MYH9: variants seen among roughly 807,000 people sequenced by gnomAD.
MYH9 encodes the protein myosin-9.
Under a neutral mutation model 241.9 loss-of-function variants are expected in MYH9, and 29 were observed. The ratio of observed to expected loss-of-function variants is 0.12; its 90% confidence interval spans 0.09 to 0.16. The LOEUF is 0.16. Ranked by LOEUF, MYH9 falls within the 10% of genes least tolerant of loss-of-function variation. MYH9 has a pLI of 1.00. For synonymous variants in MYH9, 1,047 were observed against 1,062.6 expected (o/e 0.99, Z 0.29); for missense variants, 1,803 against 2,595.5 (o/e 0.69, Z 6.63).
intron 9 of MYH9, chr22:36,319,846 GC>G: frequency 1.5e-6 from 1 of 653,790 alleles, no homozygotes; most frequent in South Asian, 1.7e-5. Context: ...GGCCGACATG[GC>G]CTGTCCGCAC....
intron 2 of MYH9, among the ~76,000 whole-genome samples, chr22:36,342,408 A>C (rs1371201881): frequency 2.0e-5 from 3 of 152,194 alleles, no homozygotes; most frequent in Admixed American, 2.0e-4. Flanking sequence ...AGCACATAGC[A>C]CAGCACGCAG....
chr22:36,282,404 G>A lies in MYH9; in HGVS notation c.*264C>T. On this transcript the variant is annotated 3_prime_UTR_variant, in exon 41 of 41. Coordinates refer to ENST00000216181, the MANE Select transcript of MYH9 (RefSeq NM_002473.6). ...GCAAGAGAGGGCTGAGGAGCCTGCT[G>A]GTCGCTCTCTGCCTGGGCCCGGGCC... 1 of 597,840 alleles carries A rather than the reference G, an allele frequency of 1.7e-6. No individual in the cohort carries two copies. Among genetic ancestry groups the A allele is most frequent in the South Asian group, 1.9e-5 (1 of 52,060 alleles). The allele number at this position is 597,840 out of a possible 1,614,324, so 37.0% of individuals were successfully genotyped here.
In MYH9 at chr22:36,288,380, T is replaced by C; in HGVS notation, c.4804A>G (p.Arg1602Gly). ...GCCACTGCCATCGAGCGCTGCTTCC[T>C]CTCGTCCTCCAGCTCTGCCTCCATC... is the stretch of plus-strand genomic sequence containing the variant. ...REMEAELEDE[R>G]KQRSMAVAAR... The change falls in exon 34 of 41, where the codon AGG becomes GGG. Residue 1602 changes from arginine to glycine, a missense_variant. Transcript: ENST00000216181. This position sits in a 1 kb window ranked among gnomAD's most constrained non-coding sequence, Gnocchi z 4.8. 6.2e-7 allele frequency: 1 copy of C among 1,613,104 alleles called. No homozygotes were observed. The highest frequency in any genetic ancestry group is 8.5e-7 in the Non-Finnish European group (1 of 1,180,026).
intron 1 of MYH9, among the ~76,000 whole-genome samples, chr22:36,378,972 GA>G (rs937550784): frequency 1.8e-4 from 26 of 143,970 alleles, no homozygotes; most frequent in South Asian, 2.2e-4. Flanking sequence ...CTCTAATTAG[GA>G]AAAAAAAAAA....
At chr22:36,333,369 C>T (rs1367831232) in intron 3 of MYH9, among the ~76,000 whole-genome samples, 3 of 152,232 alleles carry the variant, frequency 2.0e-5, no homozygotes, top group African/African-American at 7.2e-5. Context: ...ACGGCTCACG[C>T]TTCCTCTCCT....
rs996064041 is a variant in MYH9, at chr22:36,367,328, C to G, written c.-19-18073G>C. Reference sequence around the variant, plus strand: ...TCTGGGGTGCCCTGGACTCCAGGAACAAGAAGCCCAAAACTGAAGGGTGAA... The same window carrying G: ...TCTGGGGTGCCCTGGACTCCAGGAAGAAGAAGCCCAAAACTGAAGGGTGAA... On this transcript the variant is annotated intron_variant, in intron 1 of 40. Coordinates refer to ENST00000216181, the MANE Select transcript of MYH9 (RefSeq NM_002473.6). Among the ~76,000 whole-genome samples the G allele has an allele frequency of 1.6e-4, 24 of 152,136 alleles. 1 individual carries two copies. The highest frequency in any genetic ancestry group is 4.1e-4 in the African/African-American group (17 of 41,428).
intron 1 of MYH9, among the ~76,000 whole-genome samples, chr22:36,360,365 T>A (rs2017919294): frequency 6.6e-6 from 1 of 152,046 alleles, no homozygotes; most frequent in South Asian, 2.1e-4. Flanking sequence ...CCTATGGCCC[T>A]CTTGCAATCA....
At chr22:36,322,926 C>T (rs2017278705) in intron 5 of MYH9, among the ~76,000 whole-genome samples, 1 of 152,356 alleles carries the variant, frequency 6.6e-6, no homozygotes, top group East Asian at 1.9e-4. Context: ...CTAATCCTCA[C>T]ATTTTTATTC....
At chr22:36,377,537 C>A (rs2018187958) in intron 1 of MYH9, among the ~76,000 whole-genome samples, 1 of 152,206 alleles carries the variant, frequency 6.6e-6, no homozygotes, top group Non-Finnish European at 1.5e-5. Context: ...GGGGCGAGTT[C>A]CAGCAGGTTC....
At chr22:36,304,613 C>A (rs56364667) in intron 18 of MYH9, among the ~76,000 whole-genome samples, 11 of 152,350 alleles carry the variant, frequency 7.2e-5, no homozygotes, top group Admixed American at 1.3e-4. Context: ...CCGTCCAGCA[C>A]TGCGCTAGGG....
rs1488378744 is a variant in MYH9 at position 36,365,789 on chromosome 22, T to C, written c.-19-16534A>G. Among the ~76,000 whole-genome samples the C allele has an allele frequency of 2.0e-5, 3 of 152,204 alleles. No individual in the cohort carries two copies. In the East Asian group the frequency reaches 5.8e-4, roughly 29 times the overall value. The stretch of plus-strand genomic sequence containing the variant: ...TTTTAAATTTTAATTTAAAAACTTT[T>C]TGTCATAAATACAAACATGTCTAAC... On this transcript the variant is annotated intron_variant, in intron 1 of 40. Transcript: ENST00000216181.
chr22:36,300,293 C>T lies in MYH9; in HGVS notation c.2839-29G>A, dbSNP rs765014636. The T allele has an allele frequency of 3.7e-6, 6 of 1,610,560 alleles. No homozygotes were observed. In the South Asian group the frequency reaches 4.4e-5, roughly 12 times the overall value. On this transcript the variant is annotated intron_variant, in intron 22 of 40. Coordinates refer to ENST00000216181, the MANE Select transcript of MYH9 (RefSeq NM_002473.6). This position sits in a 1 kb window ranked among gnomAD's most constrained non-coding sequence, Gnocchi z 5.0. ...CCGGGGGCCAGAGACACGGTAAGGA[C>T]AGCAGGCCCAGAGGCATGGCCAAGG... is the stretch of plus-strand genomic sequence containing the variant.
At position 36,281,991 on chromosome 22, in the gene MYH9, T is replaced by C. The variant is rs1423744582; in HGVS notation, c.*677A>G. 2 of 232,960 alleles carry C rather than the reference T, an allele frequency of 8.6e-6. No homozygotes were observed. The highest frequency in any genetic ancestry group is 1.7e-5 in the Non-Finnish European group (2 of 117,696). The allele number at this position is 232,960 out of a possible 1,614,324, so 14.4% of individuals were successfully genotyped here. On this transcript the variant is annotated 3_prime_UTR_variant, in exon 41 of 41. Coordinates refer to ENST00000216181, the MANE Select transcript of MYH9 (RefSeq NM_002473.6). ...CCTCGGTAAAGGAGGGGAGGGGGCA[T>C]TGCACTTGAGACATTTTAGAATCAG...
chr22:36,285,021 G>T lies in MYH9; in HGVS notation c.5483+100C>A. ...GGGAGGGAAACAGCCCCAGGCTCAG[G>T]AGACAGAGAGCTGGTTGTGGCCCAG... is the stretch of plus-strand genomic sequence containing the variant. On this transcript the variant is annotated intron_variant, in intron 38 of 40. Transcript: ENST00000216181. This position sits in a 1 kb window ranked among gnomAD's most constrained non-coding sequence, Gnocchi z 7.0. The T allele has an allele frequency of 8.9e-7, 1 of 1,128,178 alleles. No homozygotes were observed. The allele number at this position is 1,128,178 out of a possible 1,614,324, so 69.9% of individuals were successfully genotyped here.
rs114268057 is a variant in MYH9, at chr22:36,282,531, G to C, written c.*137C>G. On this transcript the variant is annotated 3_prime_UTR_variant, in exon 41 of 41. Coordinates refer to ENST00000216181, the MANE Select transcript of MYH9 (RefSeq NM_002473.6). ...ACAACACCTGGAGGGAAACGGGATGGGGGGACGGGGCGGAGGGCAGGAGGA... is the reference window on the plus strand; with the variant it reads ...ACAACACCTGGAGGGAAACGGGATGCGGGGACGGGGCGGAGGGCAGGAGGA... 7 of 858,674 alleles carry C rather than the reference G, an allele frequency of 8.2e-6. No homozygotes were observed. In the Admixed American group the frequency reaches 1.2e-4, roughly 15 times the overall value. The allele number at this position is 858,674 out of a possible 1,614,324, so 53.2% of individuals were successfully genotyped here. A position where few individuals can be genotyped will look rare whatever the true frequency, so the allele number is the denominator to read the frequency against.
At position 36,300,835 on chromosome 22, in the gene MYH9, T is replaced by C; in HGVS notation, c.2838+16A>G. ...CCCTCCGGCGCCACCCCTCCCCGGGTGCAGCGGGCAGGAACCTGGATGTTC... is the reference window on the plus strand; with the variant it reads ...CCCTCCGGCGCCACCCCTCCCCGGGCGCAGCGGGCAGGAACCTGGATGTTC... On this transcript the variant is annotated intron_variant, in intron 22 of 40. Coordinates refer to ENST00000216181, the MANE Select transcript of MYH9 (RefSeq NM_002473.6). This position sits in a 1 kb window ranked among gnomAD's most constrained non-coding sequence, Gnocchi z 5.0. 3.8e-6 allele frequency: 6 copies of C among 1,599,496 alleles called. No individual in the cohort carries two copies. The highest frequency in any genetic ancestry group is 5.1e-6 in the Non-Finnish European group (6 of 1,179,850).
chr22:36,333,056 C>A (rs146754400), intron 3 of MYH9, among the ~76,000 whole-genome samples: 1 of 152,286 alleles, frequency 6.6e-6, no homozygotes, highest in East Asian at 1.9e-4. Context: ...TTGACTTCTG[C>A]AGAGGGCTGG....
chr22:36,318,749 A>C (rs1188924685), intron 10 of MYH9, among the ~76,000 whole-genome samples: 1 of 151,332 alleles, frequency 6.6e-6, no homozygotes, highest in East Asian at 1.9e-4. Flanking sequence ...GGAACAGCAC[A>C]GGATCCCACA....
chr22:36,315,037 G>A (rs1200594262), intron 12 of MYH9, among the ~76,000 whole-genome samples: 1 of 152,044 alleles, frequency 6.6e-6, no homozygotes, highest in Admixed American at 6.6e-5. Flanking sequence ...TCTTGCCTCA[G>A]CCTTCCAAAG....
Sources: allele counts gnomAD v4.1 joint callset (sites outside exome capture counted in the v4.1 genomes callset), GRCh38; gene constraint gnomAD v4.1.1; non-coding constraint Gnocchi (gnomAD v3.1); transcripts MANE v1.5; gene names NCBI Gene and HGNC (gene_info 2026-07-23, HGNC 2026-07-21).